Variants in CUBN observed in about 807,000 individuals in gnomAD.
CUBN encodes cubilin.
Under a neutral mutation model 405.3 loss-of-function variants are expected in CUBN, and 282 were observed. The observed-to-expected ratio is 0.70, with a 90% CI of 0.63 to 0.77. The LOEUF (loss-of-function observed/expected upper bound fraction) is 0.77. Ranked by LOEUF, CUBN falls within the 30% of genes least tolerant of loss-of-function variation. The pLI, the probability that CUBN is intolerant of heterozygous loss-of-function variation, is 0.00. For synonymous variants in CUBN, 1,684 were observed against 1,617.0 expected, an observed-to-expected ratio of 1.04 and a Z score of -0.99; for missense variants, 4,514 against 4,475.2, an observed-to-expected ratio of 1.01 and a Z score of -0.25.
chr10:17,001,306 C>G (rs910998775), intron 28 of CUBN, among the ~76,000 whole-genome samples: 5 of 152,240 alleles, frequency 3.3e-5, no homozygotes, highest in Non-Finnish European at 5.9e-5. Context: ...TGGATTGCCA[C>G]TGGTGCGCAG....
chr10:16,977,752 C>T (rs1176343417), intron 31 of CUBN, among the ~76,000 whole-genome samples: 1 of 152,174 alleles, frequency 6.6e-6, no homozygotes, highest in African/African-American at 2.4e-5. Flanking sequence ...GGCACCCACC[C>T]CTAGATGCTA....
rs1003967552 is a variant in CUBN, at chr10:16,865,693, T to C, written c.9454+3943A>G. Among the ~76,000 whole-genome samples the C allele has an allele frequency of 4.0e-5, 6 of 151,862 alleles. No homozygotes were observed. In the East Asian group the frequency reaches 9.7e-4, roughly 25 times the overall value. ...TAAAAGTACCCAATCACAGGGAGGA[T>C]TGAAAAAAGGGCACTCTGATAGGAC... On this transcript the variant is annotated intron_variant, in intron 59 of 66. Transcript: ENST00000377833.
chr10:16,928,593 A>C (rs532433290), intron 40 of CUBN, among the ~76,000 whole-genome samples: 2 of 131,526 alleles, frequency 1.5e-5, no homozygotes, highest in African/African-American at 5.7e-5. Context: ...GCAGTGGCAC[A>C]GTCTCGGTTT....
chr10:17,038,786 T>C (rs761985221), intron 27 of CUBN, among the ~76,000 whole-genome samples: 7 of 152,200 alleles, frequency 4.6e-5, no homozygotes, highest in Non-Finnish European at 8.8e-5. Context: ...CTCACAGAGA[T>C]GGAAAACAAT....
chr10:17,051,704 AG>A (rs1835271819), intron 22 of CUBN, among the ~76,000 whole-genome samples: 1 of 152,028 alleles, frequency 6.6e-6, no homozygotes, highest in Non-Finnish European at 1.5e-5. Flanking sequence ...GAAGAAAAAA[AG>A]GTCAGTAAAC....
chr10:17,001,681 G>A (rs1833890196), intron 28 of CUBN, among the ~76,000 whole-genome samples: 1 of 152,170 alleles, frequency 6.6e-6, no homozygotes, highest in African/African-American at 2.4e-5. Flanking sequence ...TTAAACCAAT[G>A]CACTAAGCGT....
intron 62 of CUBN, among the ~76,000 whole-genome samples, chr10:16,837,473 A>G (rs549703198): frequency 6.6e-6 from 1 of 152,260 alleles, no homozygotes; most frequent in Admixed American, 6.5e-5. Flanking sequence ...CATTTATGAA[A>G]GACTTGAGGT....
intron 27 of CUBN, among the ~76,000 whole-genome samples, chr10:17,032,854 G>A (rs1312595562): frequency 1.3e-5 from 2 of 152,074 alleles, no homozygotes; most frequent in East Asian, 1.9e-4. Context: ...TTTTCCCTGC[G>A]TCCAGTTCTA....
At chr10:16,973,943 G>A (rs542884082) in intron 31 of CUBN, among the ~76,000 whole-genome samples, 121 of 152,194 alleles carry the variant, frequency 8.0e-4, no homozygotes, top group Admixed American at 2.2e-3. Flanking sequence ...ACAGTGCCGC[G>A]ATGAACACGG....
chr10:16,830,491 G>A (rs564469525), intron 65 of CUBN, among the ~76,000 whole-genome samples: 1 of 152,232 alleles, frequency 6.6e-6, no homozygotes, highest in Non-Finnish European at 1.5e-5. Flanking sequence ...TAAACAGCCA[G>A]CCAAAAATGT....
chr10:17,087,484 T>TA (rs1836145746), intron 15 of CUBN, among the ~76,000 whole-genome samples: 7 of 130,198 alleles, frequency 5.4e-5, no homozygotes, highest in African/African-American at 1.9e-4. Flanking sequence ...TTTTTTTTTT[T>TA]TTTTTTTTTT....
At chr10:17,099,307 A>G (rs973190734) in intron 14 of CUBN, among the ~76,000 whole-genome samples, 1 of 152,206 alleles carries the variant, frequency 6.6e-6, no homozygotes, top group African/African-American at 2.4e-5. Context: ...AGAATAATTA[A>G]AACAAAATAA....
At chr10:16,878,825 T>G (rs766832877) in intron 56 of CUBN, among the ~76,000 whole-genome samples, 3 of 152,228 alleles carry the variant, frequency 2.0e-5, no homozygotes, top group Non-Finnish European at 4.4e-5. Context: ...ATATGTGACC[T>G]TTTGTGGCTG....
chr10:17,067,480 A>T (rs1835635486), intron 21 of CUBN, among the ~76,000 whole-genome samples: 1 of 152,152 alleles, frequency 6.6e-6, no homozygotes, highest in Non-Finnish European at 1.5e-5. Flanking sequence ...CAGAGAACAG[A>T]GGCTTGAAAT....
chr10:16,962,454 G>C (rs555802439), intron 31 of CUBN, among the ~76,000 whole-genome samples: 2 of 151,638 alleles, frequency 1.3e-5, no homozygotes, highest in Non-Finnish European at 2.9e-5. Context: ...TTGTAGGGGT[G>C]GGGGGTGGTA....
At chr10:16,865,779 C>T (rs1028345284) in intron 59 of CUBN, among the ~76,000 whole-genome samples, 4 of 152,104 alleles carry the variant, frequency 2.6e-5, no homozygotes, top group Non-Finnish European at 2.9e-5. Flanking sequence ...AGCCAGCAGC[C>T]GCAACCTGCT....
intron 33 of CUBN, among the ~76,000 whole-genome samples, 200 bp from the exon 34 acceptor site, chr10:16,950,311 T>C (rs185950499): frequency 6.8e-4 from 104 of 152,248 alleles, no homozygotes; most frequent in African/African-American, 2.3e-3. Context: ...AAGAGTAGAA[T>C]TGGATTATTT....
In CUBN at chr10:17,034,455, C is replaced by T. The variant is rs538655040; in HGVS notation, c.4017+6578G>A. Among the ~76,000 whole-genome samples the T allele has an allele frequency of 1.3e-4, 20 of 152,232 alleles. No homozygotes were observed. The South Asian group carries it at 4.2e-3, about 32-fold the overall frequency. On this transcript the variant is annotated intron_variant, in intron 27 of 66. Transcript: ENST00000377833. ...TGTTAACAAGATGCCTATTAAGATA[C>T]TTTTCCCTCCCCAGGAGAGAGCATT...
At chr10:17,081,123 A>G (rs893530678) in intron 17 of CUBN, among the ~76,000 whole-genome samples, 2 of 152,202 alleles carry the variant, frequency 1.3e-5, no homozygotes, top group African/African-American at 4.8e-5. Flanking sequence ...TCTATTCTTT[A>G]ATGAGTGCTT....
Sources: gnomAD v4.1 joint callset for allele counts (sites outside exome capture counted in the v4.1 genomes callset) on GRCh38, gnomAD v4.1.1 for gene constraint, MANE v1.5 for transcripts, NCBI Gene and HGNC (gene_info 2026-07-23, HGNC 2026-07-21) for gene names.